The following ABRA variants were observed in gnomAD, a reference collection of about 807,000 sequenced individuals.
ABRA encodes the protein actin-binding Rho-activating protein.
Under a neutral mutation model 33.4 loss-of-function variants are expected in ABRA, and 25 were observed. The ratio of observed to expected loss-of-function variants is 0.75; its 90% CI spans 0.55 to 1.04. The LOEUF is 1.04. Among genes scored for constraint, ABRA ranks in the 50% least tolerant of loss-of-function variants. The pLI is 0.00. For synonymous variants in ABRA, 193 were observed against 176.8 expected (o/e 1.09, Z -0.73); for missense variants, 501 against 491.7 (o/e 1.02, Z -0.18).
rs1388746529 is a variant in ABRA, at chr8:106,759,822, A to G, written c.*1215T>C. The stretch of plus-strand genomic sequence containing the variant: ...AGTAATTTCATTGAATCCAGTAAGA[A>G]TTGCAATCTCACATTCCATTCCATT... On this transcript the variant is annotated 3_prime_UTR_variant, in exon 2 of 2. Transcript: ENST00000311955. The G allele has an allele frequency of 6.6e-6, 1 of 152,212 alleles. No individual in the cohort carries two copies. Among genetic ancestry groups the G allele is most frequent in the Non-Finnish European group, 1.5e-5 (1 of 68,034 alleles). The allele number at this position is 152,212 out of a possible 1,614,324, so 9.4% of individuals were successfully genotyped here.
At chr8:106,765,343 C>T (rs925330845) in intron 1 of ABRA, among the ~76,000 whole-genome samples, 3 of 152,078 alleles carry the variant, frequency 2.0e-5, no homozygotes, top group East Asian at 3.9e-4. Context: ...ATGCATGGGA[C>T]GCCTAAAGGC....
At chr8:106,764,320 T>C (rs1018990281) in intron 1 of ABRA, among the ~76,000 whole-genome samples, 34 of 152,340 alleles carry the variant, frequency 2.2e-4, no homozygotes, top group Middle Eastern at 3.4e-3. Context: ...TAGTGTCATT[T>C]GGGATAACAG....
chr8:106,765,383 T>C (rs558792896), intron 1 of ABRA, among the ~76,000 whole-genome samples: 1 of 152,294 alleles, frequency 6.6e-6, no homozygotes, highest in South Asian at 2.1e-4. Flanking sequence ...CCGATCTGTA[T>C]GGAGAAAGTG....
rs1836120302 is a variant in ABRA, at chr8:106,760,583, TTTAA to T, written c.*450_*453del. 6.5e-6 allele frequency: 1 copy of T among 154,174 alleles called. No individual in the cohort carries two copies. Among genetic ancestry groups the T allele is most frequent in the Non-Finnish European group, 1.4e-5 (1 of 69,436 alleles). 9.6% of individuals were successfully genotyped at this position (154,174 alleles called of 1,614,324 possible). ...GTCAGCATTCTTCTTAGATGTAATG[TTTAA>T]TTAAAAATCTATAGTAGTTTCTACA... is the stretch of plus-strand genomic sequence containing the variant. On this transcript the variant is annotated 3_prime_UTR_variant, in exon 2 of 2. Coordinates refer to ENST00000311955, the MANE Select transcript of ABRA (RefSeq NM_139166.5).
At chr8:106,764,475 G>A (rs1351560753) in intron 1 of ABRA, among the ~76,000 whole-genome samples, 1 of 152,166 alleles carries the variant, frequency 6.6e-6, no homozygotes, top group Non-Finnish European at 1.5e-5. Flanking sequence ...CTATCATGGT[G>A]AAACCCCATC....
Position 106,760,919 on chromosome 8 carries a change from G to T in ABRA, c.*118C>A. On this transcript the variant is annotated 3_prime_UTR_variant, in exon 2 of 2. Transcript: ENST00000311955. Reference sequence around the variant, plus strand: ...AATAGAATGCCAGAAAGTCGTTTATGTAAAAATTGTTTAATATTTACTAAC... The same window carrying T: ...AATAGAATGCCAGAAAGTCGTTTATTTAAAAATTGTTTAATATTTACTAAC... 4 of 953,794 alleles carry T rather than the reference G, an allele frequency of 4.2e-6. No individual in the cohort carries two copies. The highest frequency in any genetic ancestry group is 1.6e-6 in the Non-Finnish European group (1 of 627,994). The allele number at this position is 953,794 out of a possible 1,614,324, so 59.1% of individuals were successfully genotyped here. A position where few individuals can be genotyped will look rare whatever the true frequency, so the allele number is the denominator to read the frequency against.
intron 1 of ABRA, among the ~76,000 whole-genome samples, chr8:106,763,934 G>A (rs1836172344): frequency 6.6e-6 from 1 of 152,154 alleles, no homozygotes; most frequent in Admixed American, 6.5e-5. Flanking sequence ...CTTACTGTGT[G>A]CCAGGCACTT....
chr8:106,763,997 G>C (rs1223201667), intron 1 of ABRA, among the ~76,000 whole-genome samples: 1 of 152,032 alleles, frequency 6.6e-6, no homozygotes, highest in Non-Finnish European at 1.5e-5. Context: ...TATAAATTTG[G>C]GTTTATGGTA....
chr8:106,768,679 G>T (rs1274724407), intron 1 of ABRA, among the ~76,000 whole-genome samples: 1 of 152,120 alleles, frequency 6.6e-6, no homozygotes, highest in Non-Finnish European at 1.5e-5. Context: ...TGTTGCCCAG[G>T]CTGGAGTACA....
Position 106,769,815 on chromosome 8 carries a change from G to T in ABRA, c.376C>A (p.His126Asn). 1 of 1,614,170 alleles carries T rather than the reference G, an allele frequency of 6.2e-7. No individual in the cohort carries two copies. The highest frequency in any genetic ancestry group is 8.5e-7 in the Non-Finnish European group (1 of 1,180,036). The change falls in exon 1 of 2, where the codon CAC becomes AAC. Residue 126 changes from histidine to asparagine, a missense_variant. Coordinates refer to ENST00000311955, the MANE Select transcript of ABRA (RefSeq NM_139166.5). ...KTYERGGDVS[H>N]LSHRYERDAG... is the part of the protein sequence containing the mutation. ...TCCCTCTCGTACCTGTGGCTGAGGT[G>T]GCTCACGTCCCCTCCTCTCTCATAA...
At chr8:106,763,695 A>G (rs911885590) in intron 1 of ABRA, among the ~76,000 whole-genome samples, 1 of 152,212 alleles carries the variant, frequency 6.6e-6, no homozygotes, top group Non-Finnish European at 1.5e-5. Flanking sequence ...AGGCCATCCT[A>G]GCAGAGCATA....
At chr8:106,768,812 T>G (rs1810545052) in intron 1 of ABRA, among the ~76,000 whole-genome samples, 1 of 152,146 alleles carries the variant, frequency 6.6e-6, no homozygotes, top group South Asian at 2.1e-4. Context: ...TTTGTGTGTT[T>G]TTTGGTAGAT....
At chr8:106,761,585 T>G in intron 1 of ABRA, 71 bp from the exon 2 acceptor site, 1 of 1,203,118 alleles carries the variant, frequency 8.3e-7, no homozygotes, top group Non-Finnish European at 1.2e-6. Context: ...CCCTTTGTAC[T>G]TCCCACACAT....
At chr8:106,768,934 C>A (rs947848647) in intron 1 of ABRA, among the ~76,000 whole-genome samples, 4 of 152,166 alleles carry the variant, frequency 2.6e-5, no homozygotes, top group Non-Finnish European at 1.5e-5. Context: ...CTGCGCCCAG[C>A]TGATGAAATC....
At chr8:106,761,618 A>AT (rs1248483408) in intron 1 of ABRA, 104 bp from the exon 2 acceptor site, 5 of 923,556 alleles carry the variant, frequency 5.4e-6, no homozygotes, top group African/African-American at 1.7e-5. Context: ...TGTAAGTATA[A>AT]TTTTTTCACT....
intron 1 of ABRA, among the ~76,000 whole-genome samples, chr8:106,765,464 C>T (rs975746935): frequency 1.6e-4 from 25 of 152,174 alleles, no homozygotes; most frequent in African/African-American, 5.8e-4. Context: ...CATGCAGGCA[C>T]CCTCCTCTGT....
rs1390487014 is a variant in ABRA at position 106,759,724 on chromosome 8, T to G, written c.*1313A>C. ...AATTCTTATAGCAGTCTAATACCTATTATTTTGAGGTATCATATTTAGACA... is the reference window on the plus strand; with the variant it reads ...AATTCTTATAGCAGTCTAATACCTAGTATTTTGAGGTATCATATTTAGACA... On this transcript the variant is annotated 3_prime_UTR_variant, in exon 2 of 2. Coordinates refer to ENST00000311955, the MANE Select transcript of ABRA (RefSeq NM_139166.5). The G allele has an allele frequency of 6.6e-6, 1 of 152,184 alleles. No individual in the cohort carries two copies. Among genetic ancestry groups the G allele is most frequent in the Non-Finnish European group, 1.5e-5 (1 of 68,022 alleles). 9.4% of individuals were successfully genotyped at this position (152,184 alleles called of 1,614,324 possible).
intron 1 of ABRA, among the ~76,000 whole-genome samples, chr8:106,764,849 G>A (rs952260146): frequency 2.0e-5 from 3 of 152,204 alleles, no homozygotes; most frequent in African/African-American, 7.2e-5. Context: ...TCATCCTAAT[G>A]AGCATCTAAT....
chr8:106,763,034 A>G (rs1836159519), intron 1 of ABRA, among the ~76,000 whole-genome samples: 1 of 152,174 alleles, frequency 6.6e-6, no homozygotes, highest in Non-Finnish European at 1.5e-5. Context: ...TGCTGAAAGT[A>G]CTTGTGTGAA....
Sources: allele counts gnomAD v4.1 joint callset (sites outside exome capture counted in the v4.1 genomes callset), GRCh38; gene constraint gnomAD v4.1.1; transcripts MANE v1.5; gene names NCBI Gene and HGNC (gene_info 2026-07-23, HGNC 2026-07-21).